Variants in TENM3 observed in about 807,000 individuals in gnomAD.
TENM3 encodes the protein teneurin transmembrane protein 3, also known as teneurin-3.
In TENM3, 63 loss-of-function variants were observed where a neutral mutation model predicts 255.1. The observed-to-expected ratio is 0.25, with a 90% CI of 0.20 to 0.30. The LOEUF (loss-of-function observed/expected upper bound fraction) is 0.30, where lower values mean the gene tolerates loss of function less well. Among genes scored for constraint, TENM3 ranks in the 10% least tolerant of loss-of-function variants. The pLI, the probability that TENM3 is intolerant of heterozygous loss-of-function variation, is 1.00. For synonymous variants in TENM3, 1,306 were observed against 1,322.3 expected (o/e 0.99, Z 0.27); for missense variants, 2,929 against 3,461.1 (o/e 0.85, Z 3.86).
At chr4:182,170,715 A>G (rs1449883024) in intron 1 of TENM3, among the ~76,000 whole-genome samples, 1 of 152,214 alleles carries the variant, frequency 6.6e-6, no homozygotes, top group African/African-American at 2.4e-5. Flanking sequence ...GTAAAAAGAA[A>G]AAAAACCACA....
chr4:182,751,500 C>A (rs957588479), intron 19 of TENM3, among the ~76,000 whole-genome samples: 7 of 152,084 alleles, frequency 4.6e-5, no homozygotes, highest in South Asian at 2.1e-4. Flanking sequence ...CAATTTGCTT[C>A]TTTGTTTTAG....
chr4:181,644,698 T>C, the TENM3 span, among the ~76,000 whole-genome samples: 1 of 148,436 alleles, frequency 6.7e-6, no homozygotes, highest in Non-Finnish European at 1.5e-5. Flanking sequence ...TTTTGTTTCG[T>C]TTTTCTGTTT....
chr4:182,448,141 T>G (rs897963200), intron 3 of TENM3, among the ~76,000 whole-genome samples: 16 of 152,048 alleles, frequency 1.1e-4, no homozygotes, highest in Non-Finnish European at 2.1e-4. Flanking sequence ...TCTCCCCGGG[T>G]CGCGACACTG....
At chr4:181,653,418 GT>G in the TENM3 span, among the ~76,000 whole-genome samples, 2 of 152,052 alleles carry the variant, frequency 1.3e-5, no homozygotes, top group Non-Finnish European at 2.9e-5. Context: ...TTGTTTGTTT[GT>G]TTGTTTTCGA....
chr4:182,456,254 T>C (rs1236018791), intron 3 of TENM3, among the ~76,000 whole-genome samples: 5 of 152,328 alleles, frequency 3.3e-5, no homozygotes, highest in Admixed American at 2.0e-4. Flanking sequence ...TTTCACTTCT[T>C]ACTACTGCTC....
the TENM3 span, among the ~76,000 whole-genome samples, chr4:181,501,229 G>A: frequency 9.9e-5 from 15 of 152,090 alleles, no homozygotes; most frequent in African/African-American, 3.6e-4. Context: ...CAGACCTCCA[G>A]CTGGATGACT....
In TENM3 at chr4:182,800,122, C is replaced by A. The variant is rs199649207; in HGVS notation, c.7871C>A (p.Ala2624Glu). The A allele has an allele frequency of 6.7e-7, 1 of 1,492,570 alleles. No individual in the cohort carries two copies. The highest frequency in any genetic ancestry group is 8.9e-7 in the Non-Finnish European group (1 of 1,129,878). The allele number at this position is 1,492,570 out of a possible 1,614,324, so 92.5% of individuals were successfully genotyped here. A position where few individuals can be genotyped will look rare whatever the true frequency, so the allele number is the denominator to read the frequency against. ...DEEKARILEQ[A>E]RQRALARAWA... ...GAGAAGGCGCGCATCCTGGAGCAGG[C>A]GCGGCAGCGCGCGCTCGCCCGGGCC... Residue 2624 changes from alanine to glutamate, a missense_variant, in exon 28 of 28, where the codon GCG becomes GAG. Ala to Glu is a moderately radical substitution (Grantham distance 107). Around this residue, in one of 6 missense-constraint regions of TENM3, gnomAD observed 476 missense variants for 480.1 expected, o/e 0.99. Coordinates refer to ENST00000511685, the MANE Select transcript of TENM3 (RefSeq NM_001080477.4).
intron 3 of TENM3, among the ~76,000 whole-genome samples, chr4:182,596,120 T>C (rs539389103): frequency 1.3e-5 from 2 of 152,278 alleles, no homozygotes; most frequent in South Asian, 4.1e-4. Context: ...TTAGTGAAAG[T>C]ACCAGAAGAT....
Position 182,307,313 on chromosome 4 carries a change from T to A in TENM3, c.-75-16633T>A, listed in dbSNP as rs577464456. On this transcript the variant is annotated intron_variant, in intron 1 of 27. Coordinates refer to ENST00000511685, the MANE Select transcript of TENM3 (RefSeq NM_001080477.4). ...GACAGGTGTCCATTGTGCAAAATAA[T>A]CATCGTAATCTGTGCTAATTGGCCC... is the stretch of plus-strand genomic sequence containing the variant. Among the ~76,000 whole-genome samples, 65 of 152,286 alleles carry A rather than the reference T, an allele frequency of 4.3e-4. No homozygotes were observed. The South Asian group carries it at 0.013, about 30-fold the overall frequency.
At chr4:181,514,743 C>T in the TENM3 span, among the ~76,000 whole-genome samples, 13 of 152,286 alleles carry the variant, frequency 8.5e-5, no homozygotes, top group East Asian at 2.1e-3. Context: ...GCTAAATGTA[C>T]ACTTCAGAGT....
At chr4:182,302,496 G>A (rs1323163494) in intron 1 of TENM3, among the ~76,000 whole-genome samples, 1 of 152,054 alleles carries the variant, frequency 6.6e-6, no homozygotes, top group Non-Finnish European at 1.5e-5. Flanking sequence ...TTAAAAGTAA[G>A]ACAAGTAGCA....
the TENM3 span, among the ~76,000 whole-genome samples, chr4:181,671,429 T>C: frequency 1.3e-5 from 2 of 152,198 alleles, no homozygotes; most frequent in Non-Finnish European, 2.9e-5. Context: ...AGTGTGATCT[T>C]GAGAGCAAAC....
chr4:182,680,052 G>A lies in TENM3; in HGVS notation c.1537+176G>A, dbSNP rs540477813. Among the ~76,000 whole-genome samples, 3 of 152,266 alleles carry A rather than the reference G, an allele frequency of 2.0e-5. No individual in the cohort carries two copies. In the South Asian group the frequency reaches 6.2e-4, roughly 32 times the overall value. On this transcript the variant is annotated intron_variant, in intron 8 of 27. Coordinates refer to ENST00000511685, the MANE Select transcript of TENM3 (RefSeq NM_001080477.4). ...AATATGTGACAAACTGTGAAGCACT[G>A]GGAGAAAATATTTTCTGGAATTACC...
chr4:182,343,895 T>C (rs369871081), intron 2 of TENM3, among the ~76,000 whole-genome samples: 107 of 152,172 alleles, frequency 7.0e-4, no homozygotes, highest in African/African-American at 2.5e-3. Context: ...GTGACAACAA[T>C]AGAATGTGAA....
At chr4:181,475,178 A>G in the TENM3 span, among the ~76,000 whole-genome samples, 5 of 152,218 alleles carry the variant, frequency 3.3e-5, no homozygotes, top group Non-Finnish European at 7.3e-5. Flanking sequence ...TGTCAATGAC[A>G]GTCTCTATTT....
chr4:182,650,450 A>G (rs1361391935), intron 5 of TENM3, among the ~76,000 whole-genome samples: 3 of 150,232 alleles, frequency 2.0e-5, no homozygotes, highest in Admixed American at 6.7e-5. Context: ...AACTGGACTT[A>G]CCCTTCTTTA....
chr4:181,576,228 T>C, the TENM3 span, among the ~76,000 whole-genome samples: 1 of 152,222 alleles, frequency 6.6e-6, no homozygotes, highest in Non-Finnish European at 1.5e-5. Context: ...GTTGTTCCAC[T>C]TAAAATAATG....
chr4:181,629,678 G>A, the TENM3 span, among the ~76,000 whole-genome samples: 1 of 152,258 alleles, frequency 6.6e-6, no homozygotes, highest in African/African-American at 2.4e-5. Context: ...GCATCCCAGG[G>A]ATGAAGCCCA....
At chr4:182,148,643 C>T (rs148445260) in intron 1 of TENM3, among the ~76,000 whole-genome samples, 1 of 151,984 alleles carries the variant, frequency 6.6e-6, no homozygotes, top group Non-Finnish European at 1.5e-5. Flanking sequence ...GGATGGACCT[C>T]TTGTGCATGT....
Sources: gnomAD v4.1 joint callset for allele counts (sites outside exome capture counted in the v4.1 genomes callset) on GRCh38, gnomAD v4.1.1 for gene constraint, gnomAD v4.1.1 regional missense constraint, MANE v1.5 for transcripts, NCBI Gene and HGNC (gene_info 2026-07-23, HGNC 2026-07-21) for gene names.